Variants in LMAN1 observed in about 807,000 individuals in gnomAD.
LMAN1 encodes the protein lectin, mannose binding 1.
A neutral mutation model predicts 67.8 loss-of-function variants in LMAN1; 32 were observed. The ratio of observed to expected loss-of-function variants is 0.47; its 90% CI spans 0.36 to 0.63. The LOEUF is 0.63. LMAN1 is among the 30% of genes least tolerant of loss of function. The pLI is 0.00. For missense variants in LMAN1, 632 were observed against 628.2 expected (o/e 1.01, Z -0.06); for synonymous variants, 235 against 219.3 (o/e 1.07, Z -0.63).
Position 59,354,588 on chromosome 18 carries a change from A to T in LMAN1, c.478-8T>A. On this transcript the variant is annotated splice_polypyrimidine_tract_variant and splice_region_variant and intron_variant, in intron 3 of 12. Coordinates refer to ENST00000251047, the MANE Select transcript of LMAN1 (RefSeq NM_005570.4). ...TATAGCAGGATTATTTTTCTAAAAA[A>T]AAGGAAAACATTTTAAAAAATGTCT... 1 of 1,330,666 alleles carries T rather than the reference A, an allele frequency of 7.5e-7. No homozygotes were observed. The highest frequency in any genetic ancestry group is 1.1e-6 in the Non-Finnish European group (1 of 925,790). 82.4% of individuals were successfully genotyped at this position (1,330,666 alleles called of 1,614,324 possible).
intron 5 of LMAN1, chr18:59,352,771 T>C (rs573964964): frequency 9.5e-6 from 2 of 210,082 alleles, no homozygotes; most frequent in Non-Finnish European, 2.0e-5. Context: ...CGCTTGATAG[T>C]GTCTGCAACG....
intron 7 of LMAN1, among the ~76,000 whole-genome samples, chr18:59,347,311 A>G (rs1300722960): frequency 8.4e-6 from 1 of 118,802 alleles, no homozygotes; most frequent in Non-Finnish European, 1.6e-5. Context: ...ACAGAGCGAG[A>G]CTCCGTCTCA....
chr18:59,351,969 T>C (rs1319210336), intron 5 of LMAN1, among the ~76,000 whole-genome samples: 1 of 152,226 alleles, frequency 6.6e-6, no homozygotes, highest in South Asian at 2.1e-4. Context: ...CAGAACTAAC[T>C]TTCTCAGAGA....
intron 11 of LMAN1, among the ~76,000 whole-genome samples, chr18:59,332,395 C>A (rs2070752984): frequency 6.6e-6 from 1 of 152,014 alleles, no homozygotes; most frequent in Non-Finnish European, 1.5e-5. Context: ...AGAGAGTTAT[C>A]AAAAAATATA....
chr18:59,353,744 C>T (rs1347590785), intron 4 of LMAN1, among the ~76,000 whole-genome samples: 1 of 152,184 alleles, frequency 6.6e-6, no homozygotes, highest in Non-Finnish European at 1.5e-5. Context: ...AATTTATATA[C>T]ATTATAAATA....
Position 59,347,544 on chromosome 18 carries a change from G to A in LMAN1, c.791C>T (p.Thr264Ile). ...ADDHDVLSFL[T>I]FQLTEPGKEP... ...TTTTCCAGGTTCAGTCAACTGGAAA[G>A]TCAGAAAAGAAAGGACATCATGGTC... Residue 264 changes from threonine to isoleucine, a missense_variant, in exon 7 of 13, where the codon ACT (threonine) becomes ATT (isoleucine). Transcript: ENST00000251047. 6.2e-7 allele frequency: 1 copy of A among 1,607,536 alleles called. No homozygotes were observed. Among genetic ancestry groups the A allele is most frequent in the Non-Finnish European group, 8.5e-7 (1 of 1,176,284 alleles).
intron 4 of LMAN1, 119 bp from the exon 5 acceptor site, chr18:59,353,420 C>T: frequency 1.3e-6 from 1 of 766,284 alleles, no homozygotes. Context: ...ATGTTATTTA[C>T]TCAAAAGACT....
intron 1 of LMAN1, among the ~76,000 whole-genome samples, chr18:59,355,903 A>T (rs1471953944): frequency 6.6e-6 from 1 of 152,174 alleles, no homozygotes; most frequent in East Asian, 1.9e-4. Flanking sequence ...GAGAAAGGGA[A>T]TTATGACTTT....
At chr18:59,347,671 A>G (rs1908450121) in intron 6 of LMAN1, 100 bp from the exon 7 acceptor site, 4 of 912,040 alleles carry the variant, frequency 4.4e-6, no homozygotes, top group Non-Finnish European at 6.8e-6. Flanking sequence ...AAATAACAAT[A>G]ACCAGTGAGG....
intron 8 of LMAN1, among the ~76,000 whole-genome samples, chr18:59,343,912 T>A (rs1908342822): frequency 6.6e-6 from 1 of 151,970 alleles, no homozygotes; most frequent in Non-Finnish European, 1.5e-5. Context: ...AGGGCTAATA[T>A]CCAGAATCTA....
intron 11 of LMAN1, among the ~76,000 whole-genome samples, chr18:59,332,578 T>C (rs2070754136): frequency 6.6e-6 from 1 of 152,146 alleles, no homozygotes; most frequent in South Asian, 2.1e-4. Context: ...CGATATAAAA[T>C]ATAAGGGATT....
chr18:59,341,699 G>T (rs1266322717), intron 8 of LMAN1, among the ~76,000 whole-genome samples: 1 of 152,016 alleles, frequency 6.6e-6, no homozygotes, highest in African/African-American at 2.4e-5. Context: ...AGTGTGAAGA[G>T]GGCAGTTTAC....
chr18:59,358,005 A>T (rs1260996300), intron 1 of LMAN1, among the ~76,000 whole-genome samples: 3 of 151,934 alleles, frequency 2.0e-5, no homozygotes, highest in Non-Finnish European at 2.9e-5. Context: ...ACACAAAGAT[A>T]GAATTCAAAC....
In LMAN1 at chr18:59,355,293, A is replaced by T; in HGVS notation, c.477+20T>A. 1.3e-6 allele frequency: 2 copies of T among 1,540,284 alleles called. No individual in the cohort carries two copies. Among genetic ancestry groups the T allele is most frequent in the Non-Finnish European group, 1.8e-6 (2 of 1,116,384 alleles). ...TGATAGATGTATTAAAGTGGATAAC[A>T]GTCCTGACAATAAATATACCTTTCC... On this transcript the variant is annotated intron_variant, in intron 3 of 12. Coordinates refer to ENST00000251047, the MANE Select transcript of LMAN1 (RefSeq NM_005570.4).
chr18:59,331,500 A>AT lies in LMAN1; in HGVS notation c.1413dup (p.Phe472IlefsTer28). On this transcript the variant is annotated frameshift_variant, in exon 12 of 13. Coordinates refer to ENST00000251047, the MANE Select transcript of LMAN1 (RefSeq NM_005570.4). LOFTEE classifies it high-confidence loss of function. ...TGGACCGTAGACAAACATGATGGAA[A>AT]TGGTGGTAGTTCTGGGCATTTCGGC... 6.2e-7 allele frequency: 1 copy of AT among 1,612,830 alleles called. No individual in the cohort carries two copies. Among genetic ancestry groups the AT allele is most frequent in the East Asian group, 2.2e-5 (1 of 44,846 alleles).
intron 8 of LMAN1, among the ~76,000 whole-genome samples, chr18:59,343,755 C>T (rs144757825): frequency 1.3e-5 from 2 of 152,058 alleles, no homozygotes; most frequent in Non-Finnish European, 2.9e-5. Flanking sequence ...AGAACTTAGA[C>T]CAAGTCCTCA....
At position 59,329,030 on chromosome 18, in the gene LMAN1, G is replaced by A. The variant is rs7239187; in HGVS notation, c.*2063C>T. 6.6e-6 allele frequency: 1 copy of A among 152,064 alleles called. No homozygotes were observed. Among genetic ancestry groups the A allele is most frequent in the Non-Finnish European group, 1.5e-5 (1 of 67,986 alleles). 9.4% of individuals were successfully genotyped at this position (152,064 alleles called of 1,614,324 possible). A position where few individuals can be genotyped will look rare whatever the true frequency, so the allele number is the denominator to read the frequency against. ...CAATTATACAAAATAGTACAGAAAT[G>A]AAAGAATCCTGGCAGTGATTGATTT... On this transcript the variant is annotated 3_prime_UTR_variant, in exon 13 of 13. Coordinates refer to ENST00000251047, the MANE Select transcript of LMAN1 (RefSeq NM_005570.4).
chr18:59,328,779 C>T lies in LMAN1; in HGVS notation c.*2314G>A, dbSNP rs1007223083. The T allele has an allele frequency of 6.6e-6, 1 of 152,136 alleles. No homozygotes were observed. The highest frequency in any genetic ancestry group is 1.5e-5 in the Non-Finnish European group (1 of 68,026). The allele number at this position is 152,136 out of a possible 1,614,324, so 9.4% of individuals were successfully genotyped here. ...TTAATACATAACAAAACATTGTTTA[C>T]TGTTTATGACTTCATGGTAAAGTTT... On this transcript the variant is annotated 3_prime_UTR_variant, in exon 13 of 13. Coordinates refer to ENST00000251047, the MANE Select transcript of LMAN1 (RefSeq NM_005570.4).
At chr18:59,332,527 G>A (rs1395182897) in intron 11 of LMAN1, among the ~76,000 whole-genome samples, 1 of 152,002 alleles carries the variant, frequency 6.6e-6, no homozygotes, top group Non-Finnish European at 1.5e-5. Context: ...ATTTTCTAAA[G>A]GTCATCAAAC....
Sources: gnomAD v4.1 joint callset for allele counts (sites outside exome capture counted in the v4.1 genomes callset) on GRCh38, gnomAD v4.1.1 for gene constraint, MANE v1.5 for transcripts, NCBI Gene and HGNC (gene_info 2026-07-23, HGNC 2026-07-21) for gene names.